Variants in ACY1 observed in about 807,000 individuals in gnomAD.
The protein encoded by ACY1 is aminoacylase-1.
A neutral mutation model predicts 53.3 loss-of-function variants in ACY1; 38 were observed. The ratio of observed to expected loss-of-function variants is 0.71; its 90% confidence interval spans 0.55 to 0.93. The LOEUF (loss-of-function observed/expected upper bound fraction) is 0.93, where lower values mean the gene tolerates loss of function less well. Among genes scored for constraint, ACY1 ranks in the 40% least tolerant of loss-of-function variants. ACY1 has a pLI of 0.00. For synonymous variants in ACY1, 177 were observed against 202.1 expected, an observed-to-expected ratio of 0.88 and a Z score of 1.05; for missense variants, 484 against 540.9, an observed-to-expected ratio of 0.89 and a Z score of 1.04.
Position 51,987,080 on chromosome 3 carries a change from G to A in ACY1, c.657+19G>A, listed in dbSNP as rs369112333. ...GAAGCTGGTACGTGGCACCCCAGGA[G>A]GGAGTCTGGGAGTTCAGGAGGCTCT... is the stretch of plus-strand genomic sequence containing the variant. On this transcript the variant is annotated intron_variant, in intron 9 of 14. Transcript: ENST00000636358. The A allele has an allele frequency of 6.2e-7, 1 of 1,614,098 alleles. No homozygotes were observed. Among genetic ancestry groups the A allele is most frequent in the African/African-American group, 1.3e-5 (1 of 75,056 alleles).
chr3:51,985,996 G>T, intron 5 of ACY1, 50 bp downstream of exon 5: 1 of 1,545,334 alleles, frequency 6.5e-7, no homozygotes, highest in South Asian at 1.2e-5. Flanking sequence ...CTGGTCCAGT[G>T]GATTGAAGCA....
chr3:51,985,867 G>A lies in ACY1; in HGVS notation c.280G>A (p.Asp94Asn), dbSNP rs371375777. Residue 94 changes from aspartate to asparagine, a missense_variant, in exon 5 of 15, where the codon GAC (aspartate) becomes AAC (asparagine). Asp to Asn is a conservative substitution (Grantham distance 23, BLOSUM62 1). Coordinates refer to ENST00000636358, the MANE Select transcript of ACY1 (RefSeq NM_000666.3). ...CTGCCCCCAGGAACATTGGAGTCAC[G>A]ACCCCTTTGAGGCCTTCAAGGATTC... Reference protein sequence around the residue: ...VPVFKEHWSHDPFEAFKDSEG... With the variant: ...VPVFKEHWSHNPFEAFKDSEG... 1.3e-5 allele frequency: 21 copies of A among 1,613,580 alleles called. No individual in the cohort carries two copies. The highest frequency in any genetic ancestry group is 2.7e-5 in the African/African-American group (2 of 75,026).
At chr3:51,984,472 C>G in intron 2 of ACY1, 2 of 458,970 alleles carry the variant, frequency 4.4e-6, no homozygotes, top group Non-Finnish European at 8.1e-6. Context: ...GAGAGGCCCT[C>G]CAGAAGCCCA....
rs1317394936 is a variant in ACY1, at chr3:51,988,951, C to T, written c.1103C>T (p.Thr368Ile). ...PALGFSPMNR[T>I]PVLLHDHDER... ...CTAGGCTTCTCACCCATGAACCGCA[C>T]ACCTGTGCTGCTGCACGACCACGAT... The change falls in exon 15 of 15, where the codon ACA becomes ATA. Residue 368 changes from threonine to isoleucine, a missense_variant. Transcript: ENST00000636358. 2 of 1,614,214 alleles carry T rather than the reference C, an allele frequency of 1.2e-6. No homozygotes were observed. Among genetic ancestry groups the T allele is most frequent in the Admixed American group, 1.7e-5 (1 of 60,032 alleles).
chr3:51,987,479 G>A (rs771787015), intron 11 of ACY1, 26 bp downstream of exon 11: 4 of 1,614,168 alleles, frequency 2.5e-6, no homozygotes, highest in Admixed American at 3.3e-5. Flanking sequence ...GGGTTTGGAG[G>A]AGGGATCCTG....
chr3:51,987,565 G>T lies in ACY1; in HGVS notation c.862G>T (p.Glu288Ter). ...GTCTCCCTTCTCTTAGGCTTTTGAG[G>T]AGCAGCTGCAGAGCTGGTGCCAGGC... ...APDVDFKAFE[E>*]QLQSWCQAAG... Residue 288 changes from glutamate to a stop codon, truncating the protein, a stop_gained, in exon 12 of 15, where the codon GAG becomes TAG. Coordinates refer to ENST00000636358, the MANE Select transcript of ACY1 (RefSeq NM_000666.3). LOFTEE classifies it high-confidence loss of function. 6.2e-7 allele frequency: 1 copy of T among 1,614,094 alleles called. No individual in the cohort carries two copies. Among genetic ancestry groups the T allele is most frequent in the Non-Finnish European group, 8.5e-7 (1 of 1,179,994 alleles).
intron 1 of ACY1, 108 bp downstream of exon 1, chr3:51,983,697 CTTTT>C (rs11442467): frequency 2.1e-5 from 5 of 234,360 alleles, no homozygotes; most frequent in East Asian, 9.7e-5. Flanking sequence ...TTGTTTTTGC[CTTTT>C]TTTTTTTTTA....
rs1701113964 is a variant in ACY1, at chr3:51,987,459, A to C, written c.852+6A>C. ...CACCGGATGTGGACTTCAAGGTGCC[A>C]CCTCCACCTGGGTTTGGAGGAGGGA... is the stretch of plus-strand genomic sequence containing the variant. On this transcript the variant is annotated splice_donor_region_variant and intron_variant, in intron 11 of 14. Transcript: ENST00000636358. The C allele has an allele frequency of 6.2e-7, 1 of 1,613,632 alleles. No individual in the cohort carries two copies. The highest frequency in any genetic ancestry group is 8.5e-7 in the Non-Finnish European group (1 of 1,179,878).
chr3:51,986,496 T>C lies in ACY1; in HGVS notation c.518T>C (p.Leu173Pro), dbSNP rs766953695. The change falls in exon 7 of 15, where the codon CTG becomes CCG. Residue 173 changes from leucine to proline, a missense_variant. Physicochemically the swap from Leu to Pro is moderately conservative, Grantham distance 98. Transcript: ENST00000636358. The part of the protein sequence containing the change: ...EFHALRAGFA[L>P]DEGIANPTDA... ...CACGCCCTGAGGGCAGGCTTTGCCC[T>C]GGATGAGGGTGAGCAGGTTGGCAAG... is the stretch of plus-strand genomic sequence containing the variant. 6.2e-7 allele frequency: 1 copy of C among 1,614,144 alleles called. No individual in the cohort carries two copies.
At chr3:51,986,177 T>C in intron 5 of ACY1, 78 bp from the exon 6 acceptor site, 2 of 1,472,524 alleles carry the variant, frequency 1.4e-6, no homozygotes, top group Non-Finnish European at 9.4e-7. Context: ...GACACAGGAC[T>C]CCAGCCTGCT....
chr3:51,986,220 G>C (rs534644598), intron 5 of ACY1, 35 bp from the exon 6 acceptor site: 1 of 1,610,152 alleles, frequency 6.2e-7, no homozygotes, highest in South Asian at 1.1e-5. Flanking sequence ...TGCGCATCTG[G>C]TGGCTCCCCC....
rs1248944471 is a variant in ACY1 at position 51,987,157 on chromosome 3, T to C, written c.668T>C (p.Val223Ala). The change falls in exon 10 of 15, where the codon GTA (valine) becomes GCA (alanine). Residue 223 changes from valine to alanine, a missense_variant. Physicochemically the swap from Val to Ala is moderately conservative, Grantham distance 64 (BLOSUM62 0). Transcript: ENST00000636358. Reference protein sequence around the residue: ...DTAAEKLHKVVNSILAFREKE... With the variant: ...DTAAEKLHKVANSILAFREKE... ...CTCATATTCTCATAGCACAAGGTTG[T>C]AAACTCCATCCTGGCATTCCGGGAG... The C allele has an allele frequency of 1.2e-6, 2 of 1,614,182 alleles. No individual in the cohort carries two copies. Among genetic ancestry groups the C allele is most frequent in the East Asian group, 4.5e-5 (2 of 44,884 alleles).
Position 51,988,826 on chromosome 3 carries a change from G to C in ACY1, c.1062G>C (p.Ala354=). ...CCACTGACAACCGCTATATCCGCGC[G>C]GTGAGCCACTTGCATATAGTGCCTG... ...PAATDNRYIR[A]VGVPALGFSP... Residue 354 remains alanine, a splice_region_variant and synonymous_variant, in exon 14 of 15, where the codon GCG becomes GCC. Coordinates refer to ENST00000636358, the MANE Select transcript of ACY1 (RefSeq NM_000666.3). 1 of 1,614,146 alleles carries C rather than the reference G, an allele frequency of 6.2e-7. No homozygotes were observed. Among genetic ancestry groups the C allele is most frequent in the Non-Finnish European group, 8.5e-7 (1 of 1,180,036 alleles).
rs1701120721 is a variant in ACY1 at position 51,987,595 on chromosome 3, G to A, written c.892G>A (p.Gly298Ser). 3.1e-6 allele frequency: 5 copies of A among 1,613,998 alleles called. No homozygotes were observed. The highest frequency in any genetic ancestry group is 3.4e-6 in the Non-Finnish European group (4 of 1,180,008). Residue 298 changes from glycine to serine, a missense_variant, in exon 12 of 15, where the codon GGC becomes AGC. By Grantham distance (56) the Gly-to-Ser change is moderately conservative. Coordinates refer to ENST00000636358, the MANE Select transcript of ACY1 (RefSeq NM_000666.3). The stretch of plus-strand genomic sequence containing the variant: ...GCTGCAGAGCTGGTGCCAGGCAGCT[G>A]GCGAGGGGGTCACCCTAGAGTTTGC... ...EQLQSWCQAA[G>S]EGVTLEFAQK...
rs750863971 is a variant in ACY1 at position 51,986,399 on chromosome 3, C to T, written c.437-16C>T. On this transcript the variant is annotated splice_polypyrimidine_tract_variant and intron_variant, in intron 6 of 14. Coordinates refer to ENST00000636358, the MANE Select transcript of ACY1 (RefSeq NM_000666.3). ...CGGGGCAGCCTCCTCATCTCACGTC[C>T]CTGCTGCTTTTACAGATGAGGAGGT... is the stretch of plus-strand genomic sequence containing the variant. 6.2e-7 allele frequency: 1 copy of T among 1,609,152 alleles called. No individual in the cohort carries two copies. The highest frequency in any genetic ancestry group is 1.1e-5 in the South Asian group (1 of 90,386).
intron 2 of ACY1, chr3:51,984,562 C>T (rs1700991025): frequency 5.9e-6 from 2 of 338,342 alleles, no homozygotes; most frequent in Non-Finnish European, 1.1e-5. Flanking sequence ...TGCCTGTTAT[C>T]CCAGCACTTC....
intron 1 of ACY1, 147 bp downstream of exon 1, chr3:51,983,736 G>T: frequency 2.3e-6 from 1 of 439,410 alleles, no homozygotes; most frequent in Non-Finnish European, 4.2e-6. Flanking sequence ...GTACAAGTCT[G>T]GGTTCAAACC....
At chr3:51,986,706 C>G (rs528505269) in intron 8 of ACY1, 45 bp downstream of exon 8, 2 of 1,607,814 alleles carry the variant, frequency 1.2e-6, no homozygotes, top group South Asian at 1.1e-5. Flanking sequence ...AGGCGGGAGG[C>G]TAGGCCAGAA....
In ACY1 at chr3:51,986,657, C is replaced by T; in HGVS notation, c.579C>T (p.Pro193=). Residue 193 remains proline (P), a synonymous_variant, in exon 8 of 15, where the codon CCC becomes CCT. Coordinates refer to ENST00000636358, the MANE Select transcript of ACY1 (RefSeq NM_000666.3). ...CTGTCTTTTATAGTGAGCGGAGTCC[C>T]TGGTGTAAGTATGAGCTTGGAGGGA... ...AFTVFYSERS[P]WWVRVTSTGR... 6.2e-7 allele frequency: 1 copy of T among 1,614,014 alleles called. No individual in the cohort carries two copies. Among genetic ancestry groups the T allele is most frequent in the Non-Finnish European group, 8.5e-7 (1 of 1,180,018 alleles).
Sources: allele counts gnomAD v4.1 joint callset, GRCh38; gene constraint gnomAD v4.1.1; transcripts MANE v1.5; gene names NCBI Gene and HGNC (gene_info 2026-07-23, HGNC 2026-07-21).